The following ZNF823 variants were observed in gnomAD, a reference collection of about 807,000 sequenced individuals.
ZNF823 encodes the protein zinc finger protein 823.
In ZNF823, 5 loss-of-function variants were observed where a neutral mutation model predicts 11.4. The observed-to-expected ratio is 0.44, with a 90% CI of 0.23 to 0.92. ZNF823 has a LOEUF of 0.92. Among genes scored for constraint, ZNF823 ranks in the 40% least tolerant of loss-of-function variants. The pLI is 0.24. For missense variants in ZNF823, 582 were observed against 738.5 expected, an observed-to-expected ratio of 0.79 and a Z score of 2.46; for synonymous variants, 234 against 250.5, an observed-to-expected ratio of 0.93 and a Z score of 0.62.
intron 3 of ZNF823, among the ~76,000 whole-genome samples, 157 bp downstream of exon 3, chr19:11,724,037 T>C (rs1205463058): frequency 1.3e-5 from 2 of 152,234 alleles, no homozygotes; most frequent in Non-Finnish European, 2.9e-5. Context: ...AGTGCTGGGA[T>C]TACATGTGCG....
At chr19:11,738,188 G>C (rs1225974092) in intron 1 of ZNF823, among the ~76,000 whole-genome samples, 1 of 152,208 alleles carries the variant, frequency 6.6e-6, no homozygotes, top group Non-Finnish European at 1.5e-5. Context: ...CCGGGGATAA[G>C]ATCTCTTGAG....
intron 1 of ZNF823, among the ~76,000 whole-genome samples, chr19:11,730,213 C>T (rs1173939387): frequency 6.6e-6 from 1 of 152,134 alleles, no homozygotes; most frequent in African/African-American, 2.4e-5. Flanking sequence ...CAAGTGTGAG[C>T]CACCGTGCCT....
chr19:11,722,710 G>A lies in ZNF823; in HGVS notation c.824C>T (p.Pro275Leu), dbSNP rs199872561. 2.0e-4 allele frequency: 319 copies of A among 1,614,066 alleles called. No individual in the cohort carries two copies. Among genetic ancestry groups the A allele is most frequent in the Non-Finnish European group, 2.6e-4 (302 of 1,180,044 alleles). Residue 275 changes from proline (P) to leucine (L), a missense_variant, in exon 4 of 4, where the codon CCC becomes CTC. By Grantham distance (98) the Pro-to-Leu change is moderately conservative. Coordinates refer to ENST00000341191, the MANE Select transcript of ZNF823 (RefSeq NM_001080493.4). The surrounding 1 kb of genome is among the most constrained non-coding windows in gnomAD (Gnocchi z 5.2). ...TTTCCCACATTGTGTACATTTATAG[G>A]GTTTCTCTCCGGTGTGAGTTCTCTC... is the stretch of plus-strand genomic sequence containing the variant. ...RHERTHTGEK[P>L]YKCTQCGKAF... is the part of the protein sequence containing the mutation.
In ZNF823 at chr19:11,725,331, A is replaced by T; in HGVS notation, c.4-4T>A. 1 of 1,613,762 alleles carries T rather than the reference A, an allele frequency of 6.2e-7. No homozygotes were observed. The highest frequency in any genetic ancestry group is 8.5e-7 in the Non-Finnish European group (1 of 1,179,758). On this transcript the variant is annotated splice_region_variant and splice_polypyrimidine_tract_variant and intron_variant, in intron 1 of 3. Transcript: ENST00000341191. The stretch of plus-strand genomic sequence containing the variant: ...CATCTTCAAAGGCCACTGAGTCCTG[A>T]AACATCCCACATGTGCAGAGGAGGA...
In ZNF823 at chr19:11,730,017, C is replaced by T. The variant is rs553905819; in HGVS notation, c.4-4690G>A. Reference sequence around the variant, plus strand: ...GATCTTGGCTCACTGCAACCTCTGTCGCCTGGGTTCAAGTGATTCTTCTGC... The same window carrying T: ...GATCTTGGCTCACTGCAACCTCTGTTGCCTGGGTTCAAGTGATTCTTCTGC... On this transcript the variant is annotated intron_variant, in intron 1 of 3. Coordinates refer to ENST00000341191, the MANE Select transcript of ZNF823 (RefSeq NM_001080493.4). Among the ~76,000 whole-genome samples, 394 of 151,338 alleles carry T rather than the reference C, an allele frequency of 2.6e-3. 2 individuals are homozygous for T. The highest frequency in any genetic ancestry group is 5.1e-3 in the Admixed American group (77 of 15,144).
In ZNF823 at chr19:11,725,253, C is replaced by A. The variant is rs1187113079; in HGVS notation, c.78G>T (p.Lys26Asn). The A allele has an allele frequency of 6.2e-7, 1 of 1,613,998 alleles. No individual in the cohort carries two copies. Among genetic ancestry groups the A allele is most frequent in the Non-Finnish European group, 8.5e-7 (1 of 1,180,026 alleles). The change falls in exon 2 of 4, where the codon AAG becomes AAT. Residue 26 changes from lysine to asparagine, a missense_variant. Physicochemically the swap from Lys to Asn is moderately conservative, Grantham distance 94. Transcript: ENST00000341191. ...CCTGCATGACATTTCTGTAGAGACT[C>A]TTCTGTGATGGACCCAGCAAAGCCC... ...EEWALLGPSQ[K>N]SLYRNVMQET...
At chr19:11,731,182 C>T (rs1437442948) in intron 1 of ZNF823, among the ~76,000 whole-genome samples, 1 of 151,742 alleles carries the variant, frequency 6.6e-6, no homozygotes, top group Non-Finnish European at 1.5e-5. Context: ...CGTGGTGGTG[C>T]ATGCCTGTAA....
rs759719832 is a variant in ZNF823 at position 11,725,315 on chromosome 19, A to C, written c.16T>G (p.Phe6Val). Residue 6 changes from phenylalanine (F) to valine (V), a missense_variant, in exon 2 of 4, where the codon TTT becomes GTT. Physicochemically the swap from Phe to Val is conservative, Grantham distance 50. Coordinates refer to ENST00000341191, the MANE Select transcript of ZNF823 (RefSeq NM_001080493.4). Reference sequence around the variant, plus strand: ...GTGAAGTTCACAGCCACATCTTCAAAGGCCACTGAGTCCTGAAACATCCCA... The same window carrying C: ...GTGAAGTTCACAGCCACATCTTCAACGGCCACTGAGTCCTGAAACATCCCA... MDSVA[F>V]EDVAVNFTQE... The C allele has an allele frequency of 6.2e-7, 1 of 1,613,992 alleles. No individual in the cohort carries two copies. The highest frequency in any genetic ancestry group is 8.5e-7 in the Non-Finnish European group (1 of 1,179,886).
chr19:11,724,084 T>G (rs1328388271), intron 3 of ZNF823, 110 bp downstream of exon 3: 1 of 862,846 alleles, frequency 1.2e-6, no homozygotes, highest in Non-Finnish European at 1.7e-6. Flanking sequence ...ATTATTGGAA[T>G]GAATAAATTT....
chr19:11,725,316 G>C lies in ZNF823; in HGVS notation c.15C>G (p.Ala5=). MDSV[A]FEDVAVNFTQ... ...TGAAGTTCACAGCCACATCTTCAAAGGCCACTGAGTCCTGAAACATCCCAC... is the reference window on the plus strand; with the variant it reads ...TGAAGTTCACAGCCACATCTTCAAACGCCACTGAGTCCTGAAACATCCCAC... The change falls in exon 2 of 4, where the codon GCC becomes GCG. Residue 5 remains alanine, a synonymous_variant. Coordinates refer to ENST00000341191, the MANE Select transcript of ZNF823 (RefSeq NM_001080493.4). The C allele has an allele frequency of 1.2e-6, 2 of 1,614,018 alleles. No individual in the cohort carries two copies. Among genetic ancestry groups the C allele is most frequent in the Non-Finnish European group, 1.7e-6 (2 of 1,179,922 alleles).
intron 2 of ZNF823, 89 bp downstream of exon 2, chr19:11,725,112 T>C (rs1316452650): frequency 1.3e-6 from 2 of 1,516,232 alleles, no homozygotes; most frequent in African/African-American, 2.8e-5. Flanking sequence ...AACCATATCC[T>C]CTTTCCATAT....
At chr19:11,738,248 G>C (rs1975031487) in intron 1 of ZNF823, among the ~76,000 whole-genome samples, 1 of 152,192 alleles carries the variant, frequency 6.6e-6, no homozygotes, top group South Asian at 2.1e-4. Flanking sequence ...AATTGCAGCG[G>C]AAAGGCTGGC....
chr19:11,724,213 T>G lies in ZNF823; in HGVS notation c.172A>C (p.Asn58His), dbSNP rs1435673776. The G allele has an allele frequency of 2.5e-6, 4 of 1,610,232 alleles. No homozygotes were observed. The Admixed American group carries it at 6.7e-5, about 27-fold the overall frequency. The change falls in exon 3 of 4, where the codon AAT becomes CAT. Residue 58 changes from asparagine (N) to histidine (H), a missense_variant. By Grantham distance (68) the Asn-to-His change is moderately conservative. This residue lies in a region of ZNF823 where 429 missense variants were observed against 553.7 expected (regional missense o/e 0.77). Transcript: ENST00000341191. ...EDQNIGDQCQ[N>H]AKRNLRSHTC... ...AATTACCTTAGATTTCTCTTGGCAT[T>G]TTGGCACTGATCTCCAATGTTCTGG... is the stretch of plus-strand genomic sequence containing the variant.
In ZNF823 at chr19:11,723,132, C is replaced by T. The variant is rs368490143; in HGVS notation, c.402G>A (p.Lys134=). 251 of 1,614,144 alleles carry T rather than the reference C, an allele frequency of 1.6e-4. 1 individual carries two copies. In the Middle Eastern group the frequency reaches 2.3e-3, roughly 15 times the overall value. The change falls in exon 4 of 4, where the codon AAG becomes AAA. Residue 134 remains lysine, a synonymous_variant. Coordinates refer to ENST00000341191, the MANE Select transcript of ZNF823 (RefSeq NM_001080493.4). ...KSCEHQEYGE[K]PYTHKQRGKA... ...TCCCACGTTGTTTATGTGTATATGGCTTCTCTCCATATTCCTGATGCTCAC... is the reference window on the plus strand; with the variant it reads ...TCCCACGTTGTTTATGTGTATATGGTTTCTCTCCATATTCCTGATGCTCAC...
chr19:11,738,937 G>C lies in ZNF823; in HGVS notation c.-118C>G, dbSNP rs1007033779. On this transcript the variant is annotated 5_prime_UTR_variant, in exon 1 of 4. Transcript: ENST00000341191. ...CTCTCAGCGCCAGAGCCAGGACTCA[G>C]AGCGCAGGGGCGTGGAGAAGACTCC... is the stretch of plus-strand genomic sequence containing the variant. The C allele has an allele frequency of 2.3e-6, 3 of 1,323,886 alleles. No homozygotes were observed. The highest frequency in any genetic ancestry group is 3.0e-5 in the African/African-American group (2 of 65,780). 82.0% of individuals were successfully genotyped at this position (1,323,886 alleles called of 1,614,324 possible). A position where few individuals can be genotyped will look rare whatever the true frequency, so the allele number is the denominator to read the frequency against.
intron 1 of ZNF823, among the ~76,000 whole-genome samples, chr19:11,732,800 T>C (rs1382656710): frequency 2.0e-5 from 3 of 152,306 alleles, no homozygotes; most frequent in African/African-American, 7.2e-5. Context: ...GCTGTCCCGA[T>C]GTCTTTGTTC....
chr19:11,734,821 G>A (rs1400136977), intron 1 of ZNF823, among the ~76,000 whole-genome samples: 4 of 152,146 alleles, frequency 2.6e-5, no homozygotes, highest in Non-Finnish European at 4.4e-5. Context: ...TTACAGGCGT[G>A]AGCCATGCGC....
chr19:11,735,274 C>CAA (rs1386385553), intron 1 of ZNF823, among the ~76,000 whole-genome samples: 617 of 55,696 alleles, frequency 0.011, 23 homozygotes, highest in African/African-American at 0.037. Flanking sequence ...GACTCCATTT[C>CAA]AAAAAACAAA....
At chr19:11,727,017 T>A (rs1974803509) in intron 1 of ZNF823, among the ~76,000 whole-genome samples, 1 of 152,102 alleles carries the variant, frequency 6.6e-6, no homozygotes. Flanking sequence ...ACTATCTCAA[T>A]GGAAAAATTA....
Sources: gnomAD v4.1 joint callset for allele counts (sites outside exome capture counted in the v4.1 genomes callset) on GRCh38, gnomAD v4.1.1 for gene constraint, gnomAD v4.1.1 regional missense constraint, Gnocchi (gnomAD v3.1) non-coding constraint, MANE v1.5 for transcripts, NCBI Gene and HGNC (gene_info 2026-07-23, HGNC 2026-07-21) for gene names.